GRIA1: variants seen among roughly 807,000 people sequenced by gnomAD.
GRIA1 encodes glutamate receptor 1.
Under a neutral mutation model 99.2 loss-of-function variants are expected in GRIA1, and 31 were observed. That is an observed-to-expected ratio of 0.31 (90% CI 0.23 to 0.42). The LOEUF (loss-of-function observed/expected upper bound fraction) is 0.42. Among genes scored for constraint, GRIA1 ranks in the 10% least tolerant of loss-of-function variants. GRIA1 has a pLI of 1.00. For missense variants in GRIA1, 782 were observed against 1,157.5 expected, an observed-to-expected ratio of 0.68 and a Z score of 4.71; for synonymous variants, 438 against 432.4, an observed-to-expected ratio of 1.01 and a Z score of -0.16.
intron 2 of GRIA1, among the ~76,000 whole-genome samples, chr5:153,639,747 C>A (rs917364143): frequency 6.6e-6 from 1 of 152,210 alleles, no homozygotes; most frequent in Non-Finnish European, 1.5e-5. Flanking sequence ...CTAGCACCAG[C>A]TTGCTGCCTA....
intron 7 of GRIA1, among the ~76,000 whole-genome samples, chr5:153,685,467 T>C (rs1240249172): frequency 1.3e-5 from 2 of 152,242 alleles, no homozygotes; most frequent in Non-Finnish European, 2.9e-5. Context: ...TACAATTTTA[T>C]TTTAGCCAAC....
chr5:153,549,687 A>G (rs1264670699), intron 2 of GRIA1, among the ~76,000 whole-genome samples: 1 of 152,176 alleles, frequency 6.6e-6, no homozygotes, highest in East Asian at 1.9e-4. Flanking sequence ...ATTTTCCAGG[A>G]AACTAATTGT....
At chr5:153,671,944 A>G (rs1581440799) in intron 5 of GRIA1, among the ~76,000 whole-genome samples, 1 of 152,348 alleles carries the variant, frequency 6.6e-6, no homozygotes. Context: ...ACTGAGATAG[A>G]GCAGACTGGA....
At chr5:153,798,182 C>G (rs1765769027) in intron 14 of GRIA1, among the ~76,000 whole-genome samples, 1 of 152,196 alleles carries the variant, frequency 6.6e-6, no homozygotes, top group Non-Finnish European at 1.5e-5. Flanking sequence ...TTTAAAAGCT[C>G]TCCTTTGGTT....
At chr5:153,638,281 T>G (rs1753533359) in intron 2 of GRIA1, among the ~76,000 whole-genome samples, 2 of 152,362 alleles carry the variant, frequency 1.3e-5, no homozygotes, top group South Asian at 4.1e-4. Context: ...AGACAAGGAC[T>G]GAGTTAGACA....
chr5:153,642,657 A>C (rs1753857741), intron 2 of GRIA1, among the ~76,000 whole-genome samples: 1 of 151,688 alleles, frequency 6.6e-6, no homozygotes. Context: ...AAAAACAAAG[A>C]AGAAGAAGAG....
At chr5:153,791,906 G>GC (rs1765326995) in intron 13 of GRIA1, among the ~76,000 whole-genome samples, 2 of 129,512 alleles carry the variant, frequency 1.5e-5, no homozygotes, top group Non-Finnish European at 3.4e-5. Flanking sequence ...TTGTTCATTT[G>GC]GAAAAAAAAA....
chr5:153,655,456 A>C (rs1754871278), intron 4 of GRIA1, among the ~76,000 whole-genome samples: 1 of 152,198 alleles, frequency 6.6e-6, no homozygotes, highest in Non-Finnish European at 1.5e-5. Flanking sequence ...GAATCTCCAC[A>C]TACAAGGAAG....
chr5:153,794,868 C>T, intron 14 of GRIA1, 133 bp downstream of exon 14: 2 of 630,636 alleles, frequency 3.2e-6, no homozygotes, highest in Non-Finnish European at 5.7e-6. Flanking sequence ...CAAAGGGAAG[C>T]CCTTTGGTTG....
chr5:153,722,734 C>T (rs1347788906), intron 11 of GRIA1, among the ~76,000 whole-genome samples: 1 of 152,144 alleles, frequency 6.6e-6, no homozygotes, highest in Non-Finnish European at 1.5e-5. Context: ...ATAACTGGTT[C>T]TGAGATGGAA....
At chr5:153,781,581 C>G (rs1203163853) in intron 13 of GRIA1, among the ~76,000 whole-genome samples, 1 of 152,118 alleles carries the variant, frequency 6.6e-6, no homozygotes, top group Non-Finnish European at 1.5e-5. Flanking sequence ...TCCTACCCAG[C>G]CAACTTCGAT....
chr5:153,637,880 C>T (rs1374692959), intron 2 of GRIA1, among the ~76,000 whole-genome samples: 1 of 152,176 alleles, frequency 6.6e-6, no homozygotes, highest in Non-Finnish European at 1.5e-5. Flanking sequence ...TTATTCCCTA[C>T]CTAGCTCTTT....
chr5:153,720,970 G>A (rs1393698096), intron 11 of GRIA1, among the ~76,000 whole-genome samples: 3 of 152,186 alleles, frequency 2.0e-5, no homozygotes, highest in Non-Finnish European at 4.4e-5. Context: ...GGCCCCAAGT[G>A]CCATCCACGG....
At chr5:153,617,741 A>G (rs943379442) in intron 2 of GRIA1, among the ~76,000 whole-genome samples, 2 of 152,162 alleles carry the variant, frequency 1.3e-5, no homozygotes. Flanking sequence ...ATGACCAACT[A>G]AAAACTGCTT....
chr5:153,544,854 T>C (rs528853000), intron 2 of GRIA1, among the ~76,000 whole-genome samples: 1 of 152,268 alleles, frequency 6.6e-6, no homozygotes, highest in South Asian at 2.1e-4. Context: ...TACTGAAAAA[T>C]ATGGCTTCTC....
At chr5:153,689,340 C>T (rs1344714521) in intron 8 of GRIA1, among the ~76,000 whole-genome samples, 2 of 152,288 alleles carry the variant, frequency 1.3e-5, no homozygotes, top group East Asian at 3.9e-4. Flanking sequence ...GGCTTTTCCT[C>T]AGAATCCTCA....
At chr5:153,674,174 C>T (rs1756399913) in intron 5 of GRIA1, among the ~76,000 whole-genome samples, 2 of 152,238 alleles carry the variant, frequency 1.3e-5, no homozygotes, top group African/African-American at 4.8e-5. Context: ...TGACATGTGT[C>T]GTTGCATTGT....
intron 7 of GRIA1, among the ~76,000 whole-genome samples, chr5:153,683,355 C>T (rs998555537): frequency 6.6e-6 from 1 of 152,140 alleles, no homozygotes; most frequent in Non-Finnish European, 1.5e-5. Flanking sequence ...TTGGCTTCCC[C>T]AACTAGATAC....
intron 2 of GRIA1, among the ~76,000 whole-genome samples, chr5:153,562,548 T>C (rs1761222224): frequency 6.6e-6 from 1 of 152,232 alleles, no homozygotes; most frequent in Non-Finnish European, 1.5e-5. Context: ...TGGAAATTCA[T>C]GCATGTCTTT....
Sources: gnomAD v4.1 joint callset for allele counts (sites outside exome capture counted in the v4.1 genomes callset) on GRCh38, gnomAD v4.1.1 for gene constraint, MANE v1.5 for transcripts, NCBI Gene and HGNC (gene_info 2026-07-23, HGNC 2026-07-21) for gene names.